MYT1L: variants seen among roughly 807,000 people sequenced by gnomAD.
MYT1L encodes myelin transcription factor 1-like protein.
In MYT1L, 12 loss-of-function variants were observed where a neutral mutation model predicts 126.7. That is an observed-to-expected ratio of 0.09 (90% CI 0.06 to 0.15). MYT1L has a LOEUF of 0.15. Ranked by LOEUF, MYT1L falls within the 10% of genes least tolerant of loss-of-function variation. The pLI is 1.00. For synonymous variants in MYT1L, 541 were observed against 604.2 expected (o/e 0.90, Z 1.53); for missense variants, 979 against 1,585.2 (o/e 0.62, Z 6.49).
At chr2:2,141,765 AGTTG>A in intron 3 of MYT1L, among the ~76,000 whole-genome samples, 1 of 152,320 alleles carries the variant, frequency 6.6e-6, no homozygotes, top group South Asian at 2.1e-4. Context: ...CTGTAGAGAA[AGTTG>A]GGTGCTAGAA....
intron 4 of MYT1L, among the ~76,000 whole-genome samples, chr2:2,014,809 G>A (rs1186819792): frequency 6.6e-6 from 1 of 152,262 alleles, no homozygotes; most frequent in Non-Finnish European, 1.5e-5. Flanking sequence ...AGGTTTCCGG[G>A]GAAGAAGATT....
At chr2:1,931,654 T>A (rs558375222) in intron 9 of MYT1L, among the ~76,000 whole-genome samples, 1 of 152,238 alleles carries the variant, frequency 6.6e-6, no homozygotes, top group Admixed American at 6.5e-5. Flanking sequence ...CCATTTTGTG[T>A]GTGTTGTTCT....
intron 2 of MYT1L, among the ~76,000 whole-genome samples, chr2:2,238,164 G>A (rs2094364188): frequency 6.6e-6 from 1 of 152,158 alleles, no homozygotes; most frequent in South Asian, 2.1e-4. Flanking sequence ...AGGGGGTGGT[G>A]GGGCATCTGA....
chr2:2,093,404 CAAA>C (rs35350564), intron 3 of MYT1L, among the ~76,000 whole-genome samples: 5,237 of 116,802 alleles, frequency 0.045, 123 homozygotes, highest in South Asian at 0.12. Flanking sequence ...AAACAATGTA[CAAA>C]AAAAAAAAAA....
intron 2 of MYT1L, among the ~76,000 whole-genome samples, chr2:2,262,361 C>T (rs185543429): frequency 2.7e-4 from 41 of 151,924 alleles, no homozygotes; most frequent in African/African-American, 9.7e-4. Context: ...AAGACTCCGT[C>T]TCAAAACAAA....
chr2:2,083,094 G>C (rs1363084085), intron 3 of MYT1L, among the ~76,000 whole-genome samples: 1 of 152,208 alleles, frequency 6.6e-6, no homozygotes, highest in African/African-American at 2.4e-5. Flanking sequence ...CTAGAAAGCT[G>C]CCAATGTCAC....
At chr2:2,236,926 G>T (rs2094336379) in intron 2 of MYT1L, among the ~76,000 whole-genome samples, 2 of 151,372 alleles carry the variant, frequency 1.3e-5, no homozygotes, top group Admixed American at 1.3e-4. Flanking sequence ...TAATTCTCGT[G>T]CCGCAGTCTC....
chr2:1,836,264 C>T (rs1409418387), intron 21 of MYT1L, among the ~76,000 whole-genome samples: 1 of 151,954 alleles, frequency 6.6e-6, no homozygotes, highest in Non-Finnish European at 1.5e-5. Flanking sequence ...AGCCTGTACC[C>T]CAAGATTCCA....
chr2:2,236,787 CTTCTTCTTCTTCTTCTTCTTCTTCTTCT>C (rs1559420622), intron 2 of MYT1L, among the ~76,000 whole-genome samples: 5 of 18,944 alleles, frequency 2.6e-4, no homozygotes, highest in African/African-American at 9.4e-4. Flanking sequence ...TCTTCTTCTT[CTTCTTCTTCTTCTTCTTCTTCTTCTTCT>C]TTTTTTTTTT....
At chr2:2,248,192 G>T (rs1297460284) in intron 2 of MYT1L, among the ~76,000 whole-genome samples, 9 of 151,662 alleles carry the variant, frequency 5.9e-5, no homozygotes, top group Non-Finnish European at 1.3e-4. Context: ...GAATGAAAAA[G>T]GAGTTATTAC....
intron 21 of MYT1L, among the ~76,000 whole-genome samples, chr2:1,838,859 T>C (rs1172160854): frequency 1.3e-5 from 2 of 152,166 alleles, no homozygotes; most frequent in Non-Finnish European, 2.9e-5. Context: ...GTGCATGTCT[T>C]AAATGAAAAT....
chr2:2,112,929 C>T (rs140336848), intron 3 of MYT1L, among the ~76,000 whole-genome samples: 4 of 152,320 alleles, frequency 2.6e-5, no homozygotes, highest in Non-Finnish European at 4.4e-5. Context: ...ATCTCCTCTG[C>T]AGAGCTGGCT....
rs2070140486 is a variant in MYT1L, at chr2:2,059,710, C to T, written c.-303-5587G>A. On this transcript the variant is annotated intron_variant, in intron 3 of 24. Coordinates refer to ENST00000647738, the MANE Select transcript of MYT1L (RefSeq NM_001303052.2). The surrounding 1 kb of genome is among the most constrained non-coding windows in gnomAD (Gnocchi z 4.7). The stretch of plus-strand genomic sequence containing the variant: ...TAGGCTCTTCACCTTTCAGAATCAT[C>T]GCAGTTAAAAAAAGAAAGAATAAGG... Among the ~76,000 whole-genome samples, 1 of 151,946 alleles carries T rather than the reference C, an allele frequency of 6.6e-6. No individual in the cohort carries two copies. The highest frequency in any genetic ancestry group is 1.5e-5 in the Non-Finnish European group (1 of 68,000).
At chr2:1,812,276 T>G (rs925715144) in intron 21 of MYT1L, among the ~76,000 whole-genome samples, 12 of 152,208 alleles carry the variant, frequency 7.9e-5, no homozygotes, top group Non-Finnish European at 1.6e-4. Flanking sequence ...TTTGCTCACT[T>G]ATGAAATGAG....
chr2:2,089,676 TAGG>T (rs879730156), intron 3 of MYT1L, among the ~76,000 whole-genome samples: 8 of 152,046 alleles, frequency 5.3e-5, no homozygotes, highest in Non-Finnish European at 1.2e-4. Context: ...TAGCACAGAG[TAGG>T]AGGAGGAAAT....
chr2:1,971,386 C>T (rs941935605), intron 8 of MYT1L, among the ~76,000 whole-genome samples: 14 of 152,070 alleles, frequency 9.2e-5, no homozygotes, highest in Non-Finnish European at 2.1e-4. Context: ...TCATTTTGTA[C>T]ACAGAAGACT....
intron 23 of MYT1L, among the ~76,000 whole-genome samples, chr2:1,799,412 A>G (rs1484311043): frequency 6.6e-6 from 1 of 152,122 alleles, no homozygotes; most frequent in Admixed American, 6.5e-5. Flanking sequence ...CTCTAAGCCT[A>G]CTCAGCCCTC....
intron 4 of MYT1L, among the ~76,000 whole-genome samples, chr2:2,004,450 C>CGTTCTTTCCTGAATAT (rs2062908959): frequency 6.9e-6 from 1 of 144,760 alleles, no homozygotes; most frequent in Non-Finnish European, 1.5e-5. Flanking sequence ...TTCCTGCAGG[C>CGTTCTTTCCTGAATAT]GTTCTTTCCT....
At chr2:2,199,836 C>T (rs1033294889) in intron 2 of MYT1L, among the ~76,000 whole-genome samples, 9 of 152,296 alleles carry the variant, frequency 5.9e-5, no homozygotes, top group African/African-American at 1.7e-4. Flanking sequence ...ACCTGCTTCC[C>T]ACTACACACA....
Sources: allele counts gnomAD v4.1 joint callset (sites outside exome capture counted in the v4.1 genomes callset), GRCh38; gene constraint gnomAD v4.1.1; non-coding constraint Gnocchi (gnomAD v3.1); transcripts MANE v1.5; gene names NCBI Gene and HGNC (gene_info 2026-07-23, HGNC 2026-07-21).